The following GPC5 variants were observed in gnomAD, a reference collection of about 807,000 sequenced individuals.
The protein encoded by GPC5 is glypican 5.
GPC5 carries 47 observed loss-of-function variants against 53.9 expected under a neutral mutation model. The observed-to-expected ratio is 0.87, with a 90% CI of 0.69 to 1.11. GPC5 has a LOEUF of 1.11. GPC5 is among the 50% of genes most tolerant of loss of function. GPC5 has a pLI of 0.00. For missense variants in GPC5, 748 were observed against 713.1 expected (o/e 1.05, Z -0.56); for synonymous variants, 286 against 263.3 (o/e 1.09, Z -0.84).
intron 5 of GPC5, among the ~76,000 whole-genome samples, chr13:91,845,930 A>G (rs1277001732): frequency 6.6e-6 from 1 of 152,172 alleles, no homozygotes; most frequent in Non-Finnish European, 1.5e-5. Flanking sequence ...TAGGTGCCTC[A>G]TGGGGGATTA....
At chr13:91,761,932 C>T (rs1369903108) in intron 5 of GPC5, among the ~76,000 whole-genome samples, 1 of 152,166 alleles carries the variant, frequency 6.6e-6, no homozygotes, top group East Asian at 1.9e-4. Context: ...TTCTGTCTTT[C>T]TGAAGTGTCA....
intron 2 of GPC5, among the ~76,000 whole-genome samples, chr13:91,551,353 T>C (rs1221033045): frequency 6.6e-6 from 1 of 152,146 alleles, no homozygotes; most frequent in Non-Finnish European, 1.5e-5. Context: ...ATCTGAACTA[T>C]AAAAGAGTAA....
intron 7 of GPC5, among the ~76,000 whole-genome samples, chr13:92,803,548 C>A (rs1876984948): frequency 6.6e-6 from 1 of 151,970 alleles, no homozygotes; most frequent in Non-Finnish European, 1.5e-5. Context: ...AAATCTCTTG[C>A]TCTAGTCTCC....
chr13:91,602,666 T>C (rs1236962500), intron 2 of GPC5, among the ~76,000 whole-genome samples: 3 of 152,218 alleles, frequency 2.0e-5, no homozygotes, highest in Non-Finnish European at 4.4e-5. Flanking sequence ...ATTGATGATA[T>C]TGTTTTTCGG....
At chr13:91,703,109 A>T (rs573033387) in intron 3 of GPC5, among the ~76,000 whole-genome samples, 4 of 152,192 alleles carry the variant, frequency 2.6e-5, no homozygotes, top group African/African-American at 9.6e-5. Context: ...AAATAAGATC[A>T]TGTTATCTGA....
At chr13:92,770,474 T>G (rs1322505644) in intron 7 of GPC5, among the ~76,000 whole-genome samples, 1 of 147,614 alleles carries the variant, frequency 6.8e-6, no homozygotes, top group Non-Finnish European at 1.5e-5. Flanking sequence ...TTCATTCACA[T>G]CCATTTAAAG....
chr13:92,100,758 A>G (rs2041460035), intron 6 of GPC5, among the ~76,000 whole-genome samples: 3 of 152,196 alleles, frequency 2.0e-5, no homozygotes, highest in Non-Finnish European at 4.4e-5. Flanking sequence ...GCCAAGACCA[A>G]GGAGTTAGAA....
chr13:92,614,577 T>TG (rs1277961707), intron 7 of GPC5, among the ~76,000 whole-genome samples: 1 of 152,188 alleles, frequency 6.6e-6, no homozygotes, highest in African/African-American at 2.4e-5. Context: ...GAGCTGCTTT[T>TG]GGGCAGAGAA....
rs544880839 is a variant in GPC5 at position 91,775,616 on chromosome 13, G to C, written c.1280+19196G>C. 5.3e-5 allele frequency among the ~76,000 whole-genome samples: 8 copies of C among 152,252 alleles called. 1 individual carries two copies. The South Asian group carries it at 1.0e-3, about 20-fold the overall frequency. On this transcript the variant is annotated intron_variant, in intron 5 of 7. Coordinates refer to ENST00000377067, the MANE Select transcript of GPC5 (RefSeq NM_004466.6). ...TCTATGGTTTGGGGCAGGCATTTCA[G>C]TTGGAGTTTTCTCTTCCCAGTCTTT... is the stretch of plus-strand genomic sequence containing the variant.
chr13:91,475,983 C>G (rs1416432757), intron 2 of GPC5, among the ~76,000 whole-genome samples: 2 of 152,156 alleles, frequency 1.3e-5, no homozygotes, highest in Non-Finnish European at 2.9e-5. Flanking sequence ...TGGAAATAAA[C>G]GAATCTGCTA....
chr13:91,440,278 A>G (rs1446028213), intron 1 of GPC5, among the ~76,000 whole-genome samples: 3 of 152,048 alleles, frequency 2.0e-5, no homozygotes, highest in Non-Finnish European at 4.4e-5. Context: ...CCTTTCATCC[A>G]TCTATCCATC....
intron 5 of GPC5, among the ~76,000 whole-genome samples, chr13:91,831,070 T>C (rs1425765161): frequency 1.4e-5 from 2 of 140,476 alleles, no homozygotes; most frequent in African/African-American, 5.3e-5. Context: ...ATATATATCC[T>C]ATTATTATAT....
chr13:92,006,051 T>A (rs2040603860), intron 6 of GPC5, among the ~76,000 whole-genome samples: 1 of 152,208 alleles, frequency 6.6e-6, no homozygotes, highest in South Asian at 2.1e-4. Flanking sequence ...TATTTTCCTT[T>A]CTAATGTTGT....
chr13:91,455,983 T>A (rs1331712581), intron 2 of GPC5, among the ~76,000 whole-genome samples: 3 of 152,110 alleles, frequency 2.0e-5, no homozygotes, highest in Non-Finnish European at 4.4e-5. Context: ...TGCAAGTCTT[T>A]TTCAGCCCTC....
intron 2 of GPC5, among the ~76,000 whole-genome samples, chr13:91,690,178 T>A (rs916127037): frequency 7.2e-5 from 11 of 152,188 alleles, no homozygotes; most frequent in African/African-American, 2.7e-4. Flanking sequence ...CATGACTGTA[T>A]TTGATGACAT....
In GPC5 at chr13:91,411,150, A is replaced by C. The variant is rs1227434171; in HGVS notation, c.163+11941A>C. 3.3e-5 allele frequency among the ~76,000 whole-genome samples: 5 copies of C among 152,198 alleles called. No homozygotes were observed. The East Asian group carries it at 7.7e-4, about 23-fold the overall frequency. Reference sequence around the variant, plus strand: ...AACAAAAAAACACTGGACTTTTGCAAAATAATGCTATTTGAATTAATTCAA... The same window carrying C: ...AACAAAAAAACACTGGACTTTTGCACAATAATGCTATTTGAATTAATTCAA... On this transcript the variant is annotated intron_variant, in intron 1 of 7. Coordinates refer to ENST00000377067, the MANE Select transcript of GPC5 (RefSeq NM_004466.6).
rs190737079 is a variant in GPC5 at position 92,567,371 on chromosome 13, T to C, written c.1562-298911T>C. Among the ~76,000 whole-genome samples the C allele has an allele frequency of 1.3e-3, 192 of 152,258 alleles. 1 individual carries two copies. The highest frequency in any genetic ancestry group is 4.5e-3 in the African/African-American group (187 of 41,570). The stretch of plus-strand genomic sequence containing the variant: ...TTCGACACAAAATTTCACAGGCTGA[T>C]AATATGATTGCTGGCTGTGGTGAAC... On this transcript the variant is annotated intron_variant, in intron 7 of 7. Coordinates refer to ENST00000377067, the MANE Select transcript of GPC5 (RefSeq NM_004466.6).
At chr13:92,108,888 T>C (rs921667691) in intron 6 of GPC5, among the ~76,000 whole-genome samples, 2 of 152,124 alleles carry the variant, frequency 1.3e-5, no homozygotes, top group Non-Finnish European at 2.9e-5. Flanking sequence ...ATAGCCATCG[T>C]ATGTAAATTA....
chr13:91,580,829 A>T (rs2032333920), intron 2 of GPC5, among the ~76,000 whole-genome samples: 2 of 152,168 alleles, frequency 1.3e-5, no homozygotes, highest in African/African-American at 4.8e-5. Flanking sequence ...AAGTTATTTT[A>T]TGTATTAGTC....
Sources: allele counts gnomAD v4.1 joint callset (sites outside exome capture counted in the v4.1 genomes callset), GRCh38; gene constraint gnomAD v4.1.1; transcripts MANE v1.5; gene names NCBI Gene and HGNC (gene_info 2026-07-23, HGNC 2026-07-21).